Variants in CLIC4 observed in about 807,000 individuals in gnomAD.
The protein encoded by CLIC4 is chloride intracellular channel protein 4.
CLIC4 carries 13 observed loss-of-function variants against 24.6 expected under a neutral mutation model. The ratio of observed to expected loss-of-function variants is 0.53; its 90% CI spans 0.34 to 0.84. The LOEUF (loss-of-function observed/expected upper bound fraction) is 0.84, where lower values mean the gene tolerates loss of function less well. CLIC4 is among the 40% of genes least tolerant of loss of function. The pLI is 0.01. For synonymous variants in CLIC4, 104 were observed against 111.3 expected (o/e 0.93, Z 0.41); for missense variants, 227 against 301.7 (o/e 0.75, Z 1.83).
chr1:24,754,275 A>G (rs1012268848), intron 1 of CLIC4, among the ~76,000 whole-genome samples: 1 of 152,214 alleles, frequency 6.6e-6, no homozygotes, highest in African/African-American at 2.4e-5. Context: ...ATGAATAATG[A>G]TAGGAAAGAG....
chr1:24,829,359 TGAA>T (rs1465363315), intron 4 of CLIC4, among the ~76,000 whole-genome samples: 3 of 152,152 alleles, frequency 2.0e-5, no homozygotes, highest in African/African-American at 7.2e-5. Flanking sequence ...AAGTAAAATG[TGAA>T]GAATAAAGGG....
intron 1 of CLIC4, among the ~76,000 whole-genome samples, chr1:24,746,745 A>G (rs553498926): frequency 6.6e-6 from 1 of 152,338 alleles, no homozygotes; most frequent in South Asian, 2.1e-4. Context: ...GCGGTGGCTC[A>G]TGCCTGTAAT....
intron 2 of CLIC4, among the ~76,000 whole-genome samples, chr1:24,804,628 G>C (rs1314633155): frequency 6.6e-6 from 1 of 151,966 alleles, no homozygotes; most frequent in East Asian, 1.9e-4. Flanking sequence ...TAGACACACA[G>C]AGAGGGAGTA....
chr1:24,788,589 T>C (rs1046475575), intron 1 of CLIC4, among the ~76,000 whole-genome samples: 9 of 152,240 alleles, frequency 5.9e-5, no homozygotes, highest in African/African-American at 2.2e-4. Flanking sequence ...GTTTTGTTCC[T>C]TTCACTTATT....
chr1:24,748,411 T>C (rs923688764), intron 1 of CLIC4, among the ~76,000 whole-genome samples: 3 of 152,102 alleles, frequency 2.0e-5, no homozygotes. Flanking sequence ...TTAAGCCTTG[T>C]TTGTCTCATT....
chr1:24,806,880 T>G (rs1218168004), intron 2 of CLIC4, among the ~76,000 whole-genome samples: 1 of 152,236 alleles, frequency 6.6e-6, no homozygotes, highest in African/African-American at 2.4e-5. Flanking sequence ...AGGTTGTAAT[T>G]TACTTAGTCA....
intron 2 of CLIC4, among the ~76,000 whole-genome samples, chr1:24,800,345 G>C (rs1217746200): frequency 2.1e-4 from 27 of 127,124 alleles, no homozygotes; most frequent in Admixed American, 2.0e-3. Flanking sequence ...GAGGGAGGTG[G>C]GGGGGTCAGC....
intron 2 of CLIC4, among the ~76,000 whole-genome samples, chr1:24,810,575 C>T (rs2124148258): frequency 6.6e-6 from 1 of 152,122 alleles, no homozygotes; most frequent in African/African-American, 2.4e-5. Context: ...GAGAAATTAG[C>T]CTAGGCAATA....
At chr1:24,790,891 G>A (rs1019510216) in intron 1 of CLIC4, among the ~76,000 whole-genome samples, 3 of 152,112 alleles carry the variant, frequency 2.0e-5, no homozygotes, top group Non-Finnish European at 2.9e-5. Context: ...AGTATGGGCC[G>A]GGCGTGGTGG....
At chr1:24,801,749 C>G (rs990540659) in intron 2 of CLIC4, among the ~76,000 whole-genome samples, 2 of 152,130 alleles carry the variant, frequency 1.3e-5, no homozygotes, top group Admixed American at 1.3e-4. Flanking sequence ...TACATTTTTA[C>G]TTACTGCTAG....
chr1:24,745,967 C>T (rs1283113025), intron 1 of CLIC4, among the ~76,000 whole-genome samples: 3 of 150,388 alleles, frequency 2.0e-5, no homozygotes, highest in Non-Finnish European at 4.5e-5. Flanking sequence ...GCGCGCGGGT[C>T]CTGTCACCAC....
intron 4 of CLIC4, among the ~76,000 whole-genome samples, chr1:24,837,842 G>C (rs968310651): frequency 1.3e-5 from 2 of 152,108 alleles, no homozygotes; most frequent in African/African-American, 4.8e-5. Context: ...GGTGAAACCC[G>C]GTCTTCTCCG....
intron 1 of CLIC4, among the ~76,000 whole-genome samples, chr1:24,759,484 G>A (rs74694557): frequency 2.2e-4 from 32 of 147,058 alleles, no homozygotes; most frequent in South Asian, 8.6e-4. Context: ...TTTTTTTTTT[G>A]TCTCATGCAC....
At chr1:24,779,460 T>G (rs1639178723) in intron 1 of CLIC4, among the ~76,000 whole-genome samples, 1 of 152,066 alleles carries the variant, frequency 6.6e-6, no homozygotes, top group African/African-American at 2.4e-5. Flanking sequence ...GCTGAGTGAG[T>G]GTTTGTCTCA....
At position 24,805,102 on chromosome 1, in the gene CLIC4, A is replaced by AAAC. The variant is rs1553192967; in HGVS notation, c.182+7253_182+7254insCAA. On this transcript the variant is annotated intron_variant, in intron 2 of 5. Transcript: ENST00000374379. ...ACTCCATGTCAAAAAAAAAAAAAAA[A>AAAC]AAACACAAAAACAAAGACAAACGAA... 2.9e-3 allele frequency among the ~76,000 whole-genome samples: 403 copies of AAAC among 140,104 alleles called. 8 individuals are homozygous for AAAC. The Middle Eastern group carries it at 0.036, about 12-fold the overall frequency. 91.9% of individuals were successfully genotyped at this position (140,104 alleles called of 152,430 possible).
At chr1:24,771,640 A>G (rs1639072580) in intron 1 of CLIC4, among the ~76,000 whole-genome samples, 1 of 152,184 alleles carries the variant, frequency 6.6e-6, no homozygotes, top group Non-Finnish European at 1.5e-5. Flanking sequence ...ATAAGCATGT[A>G]AGAGAGAATA....
At chr1:24,771,916 C>A in intron 1 of CLIC4, 1 of 507,826 alleles carries the variant, frequency 2.0e-6, no homozygotes. Flanking sequence ...AGGTGATGTT[C>A]AGTCCAGTTT....
At chr1:24,813,046 C>CTTTT (rs1381555303) in intron 2 of CLIC4, among the ~76,000 whole-genome samples, 63 of 102,946 alleles carry the variant, frequency 6.1e-4, no homozygotes, top group South Asian at 3.5e-4. Context: ...TTCTTTCTTT[C>CTTTT]TTTTTTTTTT....
chr1:24,837,088 G>A (rs1345307315), intron 4 of CLIC4, among the ~76,000 whole-genome samples: 2 of 152,122 alleles, frequency 1.3e-5, no homozygotes, highest in Non-Finnish European at 2.9e-5. Context: ...AGAATATAAG[G>A]AAGTAGAAAA....
Sources: allele counts gnomAD v4.1 joint callset (sites outside exome capture counted in the v4.1 genomes callset), GRCh38; gene constraint gnomAD v4.1.1; transcripts MANE v1.5; gene names NCBI Gene and HGNC (gene_info 2026-07-23, HGNC 2026-07-21).